GFI1B: variants seen among roughly 807,000 people sequenced by gnomAD.
GFI1B encodes the protein growth factor independent 1B transcriptional repressor.
A neutral mutation model predicts 35.3 loss-of-function variants in GFI1B; 20 were observed. The ratio of observed to expected loss-of-function variants is 0.57; its 90% CI spans 0.40 to 0.82. The LOEUF (loss-of-function observed/expected upper bound fraction) is 0.82. Ranked by LOEUF, GFI1B falls within the 40% of genes least tolerant of loss-of-function variation. The probability of loss-of-function intolerance (pLI) is 0.00; values close to 1 mark genes in which losing one functional copy is unlikely to be tolerated. For synonymous variants in GFI1B, 178 were observed against 177.6 expected, an observed-to-expected ratio of 1.00 and a Z score of -0.02; for missense variants, 430 against 446.3, an observed-to-expected ratio of 0.96 and a Z score of 0.33.
chr9:132,988,722 G>C (rs558088309), intron 4 of GFI1B, among the ~76,000 whole-genome samples: 2 of 152,290 alleles, frequency 1.3e-5, no homozygotes, highest in African/African-American at 2.4e-5. Context: ...ACTTTTCCAG[G>C]ATCAGACAGC....
At chr9:132,979,941 C>T (rs553286225) in intron 1 of GFI1B, among the ~76,000 whole-genome samples, 3 of 152,282 alleles carry the variant, frequency 2.0e-5, no homozygotes, top group African/African-American at 7.2e-5. Flanking sequence ...CTGAGCTGCA[C>T]CTGACCGCCT....
At chr9:132,965,033 C>T (rs1407604239) in intron 1 of GFI1B, among the ~76,000 whole-genome samples, 3 of 152,128 alleles carry the variant, frequency 2.0e-5, no homozygotes, top group Non-Finnish European at 4.4e-5. Flanking sequence ...ACTATGGCCC[C>T]CATATTCCCA....
intron 2 of GFI1B, 148 bp downstream of exon 2, chr9:132,986,926 G>C: frequency 1.5e-6 from 1 of 658,950 alleles, no homozygotes; most frequent in Non-Finnish European, 2.7e-6. Flanking sequence ...CAGATGAAAG[G>C]AGTAGACAAA....
chr9:132,974,601 C>CAAAAAAAAAAAAAAAAA (rs11243966), upstream of GFI1B, among the ~76,000 whole-genome samples: 30 of 79,844 alleles, frequency 3.8e-4, no homozygotes, highest in African/African-American at 1.5e-3. Flanking sequence ...GAATCCGTCT[C>CAAAAAAAAAAAAAAAAA]AAAAAAAAAA....
intron 1 of GFI1B, among the ~76,000 whole-genome samples, chr9:132,970,845 C>T (rs1403312753): frequency 2.0e-5 from 3 of 152,108 alleles, no homozygotes; most frequent in Admixed American, 6.6e-5. Flanking sequence ...ATGCGGAAGT[C>T]ATCAAGAGTT....
chr9:132,985,089 C>T (rs1001997383), intron 1 of GFI1B, among the ~76,000 whole-genome samples: 4 of 152,212 alleles, frequency 2.6e-5, no homozygotes, highest in Admixed American at 2.0e-4. Context: ...TGGGACTCCT[C>T]TGACGCCTCA....
At position 132,988,383 on chromosome 9, in the gene GFI1B, T is replaced by C; in HGVS notation, c.425T>C (p.Leu142Pro). 1 of 1,614,094 alleles carries C rather than the reference T, an allele frequency of 6.2e-7. No homozygotes were observed. Among genetic ancestry groups the C allele is most frequent in the Non-Finnish European group, 8.5e-7 (1 of 1,179,944 alleles). ...TCCGTCAGCCTGTACGGCAGTCCTC[T>C]TGTGCCCAGCACTGAGCCCGCCTTG... ...EHSVSLYGSP[L>P]VPSTEPALDF... Residue 142 changes from leucine (L) to proline (P), a missense_variant, in exon 4 of 7, where the codon CTT (leucine) becomes CCT (proline). Transcript: ENST00000372122.
chr9:132,968,086 T>TTTTA (rs34989096), intron 1 of GFI1B, among the ~76,000 whole-genome samples: 36,567 of 137,600 alleles, frequency 0.27, 5,037 homozygotes, highest in South Asian at 0.33. Context: ...CCAGCCATTC[T>TTTTA]TTTATTTATT....
chr9:132,947,682 A>G (rs11243947), intron 1 of GFI1B, among the ~76,000 whole-genome samples: 32,654 of 151,584 alleles, frequency 0.22, 3,617 homozygotes, highest in African/African-American at 0.23. Flanking sequence ...GGTGGCGGGT[A>G]CCTATAATCC....
At chr9:132,947,524 A>G (rs1415372665) in intron 1 of GFI1B, among the ~76,000 whole-genome samples, 1 of 152,044 alleles carries the variant, frequency 6.6e-6, no homozygotes, top group Admixed American at 6.5e-5. Flanking sequence ...GACAAAGTAA[A>G]GTGGCCTGGC....
chr9:132,969,838 A>G (rs1399202036), intron 1 of GFI1B, among the ~76,000 whole-genome samples: 4 of 152,214 alleles, frequency 2.6e-5, no homozygotes, highest in Non-Finnish European at 5.9e-5. Flanking sequence ...ACCTCTTTTC[A>G]TCACCCTGAC....
At position 132,988,318 on chromosome 9, in the gene GFI1B, G is replaced by A. The variant is rs1443286554; in HGVS notation, c.360G>A (p.Arg120=). ...TLATTYGHSY[R]QAPSTMQSAF... ...CCACAACCTATGGCCACAGCTACCGGCAGGCCCCCTCCACCATGCAGTCAG... is the reference window on the plus strand; with the variant it reads ...CCACAACCTATGGCCACAGCTACCGACAGGCCCCCTCCACCATGCAGTCAG... The change falls in exon 4 of 7, where the codon CGG becomes CGA. Residue 120 remains arginine (R), a synonymous_variant. Coordinates refer to ENST00000372122, the MANE Select transcript of GFI1B (RefSeq NM_001377304.1). 1 of 1,614,048 alleles carries A rather than the reference G, an allele frequency of 6.2e-7. No individual in the cohort carries two copies. The highest frequency in any genetic ancestry group is 1.3e-5 in the African/African-American group (1 of 74,934).
chr9:132,959,846 C>T (rs1248252620), intron 1 of GFI1B, among the ~76,000 whole-genome samples: 1 of 152,230 alleles, frequency 6.6e-6, no homozygotes, highest in Non-Finnish European at 1.5e-5. Context: ...CTGTGTCCCT[C>T]TGTGTTTGCT....
At chr9:132,946,900 T>G (rs540472778) in intron 1 of GFI1B, 1 of 152,438 alleles carries the variant, frequency 6.6e-6, no homozygotes, top group Non-Finnish European at 1.5e-5. Flanking sequence ...GGAAGAAGAA[T>G]GGGCATTGTT....
intron 1 of GFI1B, among the ~76,000 whole-genome samples, chr9:132,959,308 T>G (rs1013914140): frequency 2.6e-5 from 4 of 151,384 alleles, no homozygotes; most frequent in Non-Finnish European, 4.4e-5. Context: ...TCGGCACTTC[T>G]CCTTCCTGCC....
chr9:132,988,214 T>C lies in GFI1B; in HGVS notation c.256T>C (p.Ser86Pro). 2 of 1,614,088 alleles carry C rather than the reference T, an allele frequency of 1.2e-6. No homozygotes were observed. Among genetic ancestry groups the C allele is most frequent in the Non-Finnish European group, 1.7e-6 (2 of 1,179,972 alleles). The change falls in exon 4 of 7, where the codon TCC (serine) becomes CCC (proline). Residue 86 changes from serine to proline, a missense_variant. Coordinates refer to ENST00000372122, the MANE Select transcript of GFI1B (RefSeq NM_001377304.1). ...CTCCACAGAGGGCCCCATTGTGCTG[T>C]CCCGACCCCAGGATGGGGACTCTCC... ...APAPEGPIVLSRPQDGDSPLS... is the reference protein window; with the variant it reads ...APAPEGPIVLPRPQDGDSPLS...
chr9:132,988,938 C>T, intron 4 of GFI1B, 123 bp from the exon 5 acceptor site: 1 of 913,220 alleles, frequency 1.1e-6, no homozygotes, highest in Non-Finnish European at 1.8e-6. Flanking sequence ...ACTGGCAATC[C>T]AGTGCCCCTT....
chr9:132,954,813 G>A (rs1848259286), intron 1 of GFI1B, among the ~76,000 whole-genome samples: 1 of 151,672 alleles, frequency 6.6e-6, no homozygotes, highest in Admixed American at 6.6e-5. Context: ...CCTCCTCCCG[G>A]GTTCAAGTGA....
chr9:132,986,696 G>C lies in GFI1B; in HGVS notation c.18G>C (p.Leu6=), dbSNP rs756122349. 4.3e-6 allele frequency: 7 copies of C among 1,611,382 alleles called. No individual in the cohort carries two copies. The South Asian group carries it at 5.5e-5, about 13-fold the overall frequency. ...CACTGAAAATGCCACGCTCCTTCCT[G>C]GTGAAGAGCAAGAAGGCTCACACCT... MPRSF[L]VKSKKAHTYH... is the part of the protein sequence containing the mutation. The change falls in exon 2 of 7, where the codon CTG becomes CTC. Residue 6 remains leucine, a synonymous_variant. Transcript: ENST00000372122.
Sources: gnomAD v4.1 joint callset for allele counts (sites outside exome capture counted in the v4.1 genomes callset) on GRCh38, gnomAD v4.1.1 for gene constraint, MANE v1.5 for transcripts, NCBI Gene and HGNC (gene_info 2026-07-23, HGNC 2026-07-21) for gene names.